SMARCC1: variants seen among roughly 807,000 people sequenced by gnomAD.
The protein encoded by SMARCC1 is SWI/SNF complex subunit SMARCC1.
Under a neutral mutation model 147.4 loss-of-function variants are expected in SMARCC1, and 43 were observed. That is an observed-to-expected ratio of 0.29 (90% CI 0.23 to 0.38). SMARCC1 has a LOEUF of 0.38. Among genes scored for constraint, SMARCC1 ranks in the 10% least tolerant of loss-of-function variants. The pLI is 1.00. For synonymous variants in SMARCC1, 495 were observed against 484.4 expected (o/e 1.02, Z -0.29); for missense variants, 1,119 against 1,381.1 (o/e 0.81, Z 3.01).
intron 6 of SMARCC1, among the ~76,000 whole-genome samples, chr3:47,723,700 C>G (rs2034264270): frequency 6.6e-6 from 1 of 152,044 alleles, no homozygotes; most frequent in Non-Finnish European, 1.5e-5. Flanking sequence ...GTAATCCCAG[C>G]TACTTGAGTG....
intron 26 of SMARCC1, chr3:47,604,607 AC>A: frequency 3.8e-6 from 1 of 263,826 alleles, no homozygotes; most frequent in Non-Finnish European, 7.5e-6. Flanking sequence ...TTTTTAGCTG[AC>A]CTTTAGAATA....
intron 24 of SMARCC1, among the ~76,000 whole-genome samples, chr3:47,626,564 G>A (rs1041694136): frequency 2.0e-5 from 3 of 151,946 alleles, no homozygotes; most frequent in Non-Finnish European, 2.9e-5. Context: ...AAACCCAAAG[G>A]CCCATTAGTT....
chr3:47,597,150 C>CAAA (rs34360182), intron 26 of SMARCC1, among the ~76,000 whole-genome samples: 1 of 70,498 alleles, frequency 1.4e-5, no homozygotes, highest in African/African-American at 5.2e-5. Flanking sequence ...GACTCAGTCT[C>CAAA]AAAAAAAAAA....
intron 17 of SMARCC1, 25 bp from the exon 18 acceptor site, chr3:47,675,613 C>T (rs1232633285): frequency 2.4e-6 from 3 of 1,225,986 alleles, no homozygotes; most frequent in Non-Finnish European, 3.6e-6. Context: ...TGATAAATGG[C>T]TGAGTTAGCC....
chr3:47,764,705 T>G (rs2034815771), intron 2 of SMARCC1, among the ~76,000 whole-genome samples: 2 of 152,196 alleles, frequency 1.3e-5, no homozygotes. Context: ...TGCACATGAA[T>G]TATAAAGGCC....
At chr3:47,777,174 C>A (rs1306004110) in intron 1 of SMARCC1, among the ~76,000 whole-genome samples, 2 of 151,746 alleles carry the variant, frequency 1.3e-5, no homozygotes, top group African/African-American at 4.8e-5. Context: ...CCTCTGCCCA[C>A]CGGGTTCCAG....
At chr3:47,651,220 C>A (rs2033185711) in intron 21 of SMARCC1, among the ~76,000 whole-genome samples, 1 of 152,166 alleles carries the variant, frequency 6.6e-6, no homozygotes. Flanking sequence ...GGGAGAATCA[C>A]CTGAGCCCAG....
intron 11 of SMARCC1, among the ~76,000 whole-genome samples, 156 bp from the exon 12 acceptor site, chr3:47,693,456 G>A (rs948230322): frequency 6.6e-6 from 1 of 152,192 alleles, no homozygotes; most frequent in Non-Finnish European, 1.5e-5. Flanking sequence ...GCCCAGCTAT[G>A]AAATATTTAA....
At chr3:47,676,929 TTTG>T in intron 16 of SMARCC1, 147 bp from the exon 17 acceptor site, 1 of 675,628 alleles carries the variant, frequency 1.5e-6, no homozygotes, top group Non-Finnish European at 2.5e-6. Context: ...CTTGACAGAT[TTTG>T]TTATGTGACG....
At chr3:47,632,811 G>A (rs1489508014) in intron 24 of SMARCC1, among the ~76,000 whole-genome samples, 3 of 152,192 alleles carry the variant, frequency 2.0e-5, no homozygotes, top group Admixed American at 6.5e-5. Context: ...TGAGAACTAA[G>A]TAGGGTCCTG....
intron 2 of SMARCC1, among the ~76,000 whole-genome samples, chr3:47,766,897 C>T (rs921283253): frequency 6.6e-6 from 1 of 152,068 alleles, no homozygotes; most frequent in African/African-American, 2.4e-5. Flanking sequence ...TATAAAGTTC[C>T]ACTCTAGCTG....
At chr3:47,715,672 T>C (rs1202623938) in intron 7 of SMARCC1, among the ~76,000 whole-genome samples, 1 of 152,176 alleles carries the variant, frequency 6.6e-6, no homozygotes, top group Non-Finnish European at 1.5e-5. Flanking sequence ...TCTCACCCTA[T>C]CAGAGTGAAA....
intron 2 of SMARCC1, among the ~76,000 whole-genome samples, chr3:47,766,199 AT>A (rs1314891733): frequency 6.6e-6 from 1 of 152,050 alleles, no homozygotes; most frequent in Non-Finnish European, 1.5e-5. Flanking sequence ...AACCTTCTAT[AT>A]TTCTTACTCT....
At chr3:47,669,757 T>C (rs2033471594) in intron 19 of SMARCC1, among the ~76,000 whole-genome samples, 1 of 151,916 alleles carries the variant, frequency 6.6e-6, no homozygotes, top group Admixed American at 6.6e-5. Context: ...GAAATGGAAA[T>C]AGTTTGATGA....
At chr3:47,618,769 C>G (rs1405339990) in intron 25 of SMARCC1, among the ~76,000 whole-genome samples, 1 of 152,026 alleles carries the variant, frequency 6.6e-6, no homozygotes, top group East Asian at 1.9e-4. Context: ...GTTTAAAAAA[C>G]CGGGGGACCT....
At position 47,714,415 on chromosome 3, in the gene SMARCC1, C is replaced by A; in HGVS notation, c.792G>T (p.Lys264Asn). ...AGATTTTTTTTGTTAAATCATTTACCTTCCATGGTTTTTCTGGAATTGGTG... is the reference window on the plus strand; with the variant it reads ...AGATTTTTTTTGTTAAATCATTTACATTCCATGGTTTTTCTGGAATTGGTG... ...EDPPIPEKPW[K>N]VHVKWILDTD... The change falls in exon 8 of 28, where the codon AAG (lysine) becomes AAT (asparagine). Residue 264 changes from lysine (K) to asparagine (N), a missense_variant and splice_region_variant. Transcript: ENST00000254480. The A allele has an allele frequency of 6.4e-7, 1 of 1,557,094 alleles. No homozygotes were observed. Among genetic ancestry groups the A allele is most frequent in the Non-Finnish European group, 8.8e-7 (1 of 1,133,712 alleles).
At chr3:47,679,555 A>G (rs2033615442) in intron 15 of SMARCC1, among the ~76,000 whole-genome samples, 2 of 152,166 alleles carry the variant, frequency 1.3e-5, no homozygotes, top group African/African-American at 4.8e-5. Context: ...ATACATTCAC[A>G]CACAAGTTGA....
At position 47,689,442 on chromosome 3, in the gene SMARCC1, A is replaced by C. The variant is rs1197350103; in HGVS notation, c.1226-18T>G. The C allele has an allele frequency of 6.2e-7, 1 of 1,607,250 alleles. No individual in the cohort carries two copies. The highest frequency in any genetic ancestry group is 1.7e-5 in the Admixed American group (1 of 60,006). ...CTGCTCATCTGCAAAACCAAAACACACAATTCATTTTAAAAACAGGTAAAT... is the reference window on the plus strand; with the variant it reads ...CTGCTCATCTGCAAAACCAAAACACCCAATTCATTTTAAAAACAGGTAAAT... On this transcript the variant is annotated intron_variant, in intron 12 of 27. Transcript: ENST00000254480.
chr3:47,762,459 CAGAA>C (rs1559666056), intron 2 of SMARCC1, among the ~76,000 whole-genome samples: 1 of 152,174 alleles, frequency 6.6e-6, no homozygotes, highest in South Asian at 2.1e-4. Context: ...TCAAAGGTGT[CAGAA>C]AGAGATAGCT....
Sources: gnomAD v4.1 joint callset for allele counts (sites outside exome capture counted in the v4.1 genomes callset) on GRCh38, gnomAD v4.1.1 for gene constraint, MANE v1.5 for transcripts, NCBI Gene and HGNC (gene_info 2026-07-23, HGNC 2026-07-21) for gene names.